Variants in AASS observed in about 807,000 individuals in gnomAD.
AASS encodes the protein alpha-aminoadipic semialdehyde synthase, mitochondrial.
In AASS, 86 loss-of-function variants were observed where a neutral mutation model predicts 105.4. The observed-to-expected ratio is 0.82, with a 90% CI of 0.69 to 0.98. The LOEUF is 0.98. AASS is among the 50% of genes least tolerant of loss of function. The pLI, the probability that AASS is intolerant of heterozygous loss-of-function variation, is 0.00. For missense variants in AASS, 1,048 were observed against 1,143.2 expected, an observed-to-expected ratio of 0.92 and a Z score of 1.20; for synonymous variants, 381 against 394.8, an observed-to-expected ratio of 0.96 and a Z score of 0.41.
chr7:122,098,246 G>A (rs1013902415), intron 15 of AASS, among the ~76,000 whole-genome samples: 3 of 151,860 alleles, frequency 2.0e-5, no homozygotes, highest in African/African-American at 7.2e-5. Context: ...CTTGTTTCCT[G>A]ACATAAATAA....
At chr7:122,130,865 C>CATGAA (rs779691388) in intron 2 of AASS, among the ~76,000 whole-genome samples, 1 of 151,664 alleles carries the variant, frequency 6.6e-6, no homozygotes, top group African/African-American at 2.4e-5. Context: ...ATCACACAGC[C>CATGAA]ATGAAATGAA....
intron 15 of AASS, among the ~76,000 whole-genome samples, chr7:122,096,992 G>A (rs896641450): frequency 3.3e-5 from 5 of 151,926 alleles, no homozygotes; most frequent in South Asian, 2.1e-4. Context: ...TCTTTTCATG[G>A]TAATATCAGA....
At chr7:122,103,251 A>C (rs1174579417) in intron 11 of AASS, among the ~76,000 whole-genome samples, 2 of 152,078 alleles carry the variant, frequency 1.3e-5, no homozygotes. Flanking sequence ...TCTCCATTAG[A>C]CTATCAGCAG....
intron 4 of AASS, among the ~76,000 whole-genome samples, chr7:122,122,948 C>T (rs1795503957): frequency 1.3e-5 from 2 of 152,062 alleles, no homozygotes; most frequent in Non-Finnish European, 2.9e-5. Context: ...CATTTTTAAG[C>T]TTTTATAGGA....
chr7:122,110,767 GATAT>G (rs138252913), intron 11 of AASS, among the ~76,000 whole-genome samples: 8 of 146,492 alleles, frequency 5.5e-5, no homozygotes, highest in Admixed American at 1.4e-4. Context: ...ATAATGTGGA[GATAT>G]ATATATATAT....
In AASS at chr7:122,104,012, A is replaced by G. The variant is rs147618012; in HGVS notation, c.1279-2332T>C. 5.0e-4 allele frequency among the ~76,000 whole-genome samples: 76 copies of G among 152,280 alleles called. No homozygotes were observed. In the East Asian group the frequency reaches 0.014, roughly 27 times the overall value. ...AAATTTAGCACTAAAGGAAATCACTAAATCACAAAGATAAACAGGAGAGGA... is the reference window on the plus strand; with the variant it reads ...AAATTTAGCACTAAAGGAAATCACTGAATCACAAAGATAAACAGGAGAGGA... On this transcript the variant is annotated intron_variant, in intron 11 of 23. Coordinates refer to ENST00000417368, the MANE Select transcript of AASS (RefSeq NM_005763.4).
At chr7:122,079,174 CAG>C in intron 21 of AASS, 1 of 1,428,788 alleles carries the variant, frequency 7.0e-7, no homozygotes, top group South Asian at 1.5e-5. Flanking sequence ...TGGAGCAGGG[CAG>C]AGATGATGGA....
chr7:122,143,320 G>A (rs1021369142), intron 1 of AASS, among the ~76,000 whole-genome samples: 1 of 151,720 alleles, frequency 6.6e-6, no homozygotes, highest in Admixed American at 6.6e-5. Flanking sequence ...TCTCGCGCTC[G>A]AGCGCTCTTT....
In AASS at chr7:122,122,776, C is replaced by T. The variant is rs148458921; in HGVS notation, c.472+3599G>A. On this transcript the variant is annotated intron_variant, in intron 4 of 23. Coordinates refer to ENST00000417368, the MANE Select transcript of AASS (RefSeq NM_005763.4). ...CTCTGCTTATGTATAGATTTTCGTC[C>T]GTGGTATCTATTGATTGATAGGTAG... Among the ~76,000 whole-genome samples the T allele has an allele frequency of 4.5e-3, 680 of 152,168 alleles. 3 individuals carry two copies. The highest frequency in any genetic ancestry group is 0.016 in the African/African-American group (655 of 41,522).
chr7:122,116,573 A>G, intron 8 of AASS, 60 bp downstream of exon 8: 1 of 1,607,694 alleles, frequency 6.2e-7, no homozygotes, highest in Non-Finnish European at 8.5e-7. Context: ...CTCTCCTTGA[A>G]AATAGCCTAC....
chr7:122,130,368 G>A (rs1041064147), intron 2 of AASS, among the ~76,000 whole-genome samples: 3 of 151,914 alleles, frequency 2.0e-5, no homozygotes, highest in African/African-American at 4.8e-5. Flanking sequence ...TACAACATAC[G>A]AGTAAACCGA....
intron 11 of AASS, among the ~76,000 whole-genome samples, chr7:122,110,419 A>T (rs1794877137): frequency 6.6e-6 from 1 of 151,946 alleles, no homozygotes; most frequent in African/African-American, 2.4e-5. Context: ...TGACAAAGAA[A>T]AATAAAAATC....
At chr7:122,086,974 T>G (rs993540051) in intron 18 of AASS, among the ~76,000 whole-genome samples, 1 of 152,238 alleles carries the variant, frequency 6.6e-6, no homozygotes, top group African/African-American at 2.4e-5. Flanking sequence ...TTCTTCTAGT[T>G]TATTGGCTTA....
chr7:122,107,493 T>G (rs1359375156), intron 11 of AASS, among the ~76,000 whole-genome samples: 1 of 152,158 alleles, frequency 6.6e-6, no homozygotes, highest in Admixed American at 6.6e-5. Flanking sequence ...AGCAGAGACA[T>G]GGACTCAACC....
At chr7:122,137,222 T>C (rs1380776717) in intron 1 of AASS, among the ~76,000 whole-genome samples, 2 of 152,222 alleles carry the variant, frequency 1.3e-5, no homozygotes, top group Non-Finnish European at 2.9e-5. Flanking sequence ...AGTAGATACA[T>C]ATCCCCATTT....
At chr7:122,079,370 T>C (rs1024222192) in intron 21 of AASS, 1 of 1,375,606 alleles carries the variant, frequency 7.3e-7, no homozygotes, top group African/African-American at 1.5e-5. Flanking sequence ...GGGAACTGAG[T>C]GGTAAAGTGT....
chr7:122,090,994 A>C (rs1793874285), intron 18 of AASS, among the ~76,000 whole-genome samples: 1 of 151,992 alleles, frequency 6.6e-6, no homozygotes, highest in African/African-American at 2.4e-5. Context: ...TGTAGCTCTG[A>C]GCCACTTTAA....
chr7:122,085,471 G>C (rs763686419), intron 19 of AASS, among the ~76,000 whole-genome samples: 1 of 150,990 alleles, frequency 6.6e-6, no homozygotes, highest in Admixed American at 6.6e-5. Context: ...CATCCCGTCC[G>C]TTTCCTCCCG....
At chr7:122,130,827 C>T (rs1288544528) in intron 2 of AASS, among the ~76,000 whole-genome samples, 1 of 151,574 alleles carries the variant, frequency 6.6e-6, no homozygotes, top group East Asian at 1.9e-4. Context: ...GTAAATAAAC[C>T]ATGGTAAATC....
Sources: allele counts gnomAD v4.1 joint callset (sites outside exome capture counted in the v4.1 genomes callset), GRCh38; gene constraint gnomAD v4.1.1; transcripts MANE v1.5; gene names NCBI Gene and HGNC (gene_info 2026-07-23, HGNC 2026-07-21).